SLC9A3: variants seen among roughly 807,000 people sequenced by gnomAD.
SLC9A3 encodes sodium/hydrogen exchanger 3.
In SLC9A3, 37 loss-of-function variants were observed where a neutral mutation model predicts 86.8. The ratio of observed to expected loss-of-function variants is 0.43; its 90% CI spans 0.33 to 0.56. The LOEUF is 0.56. SLC9A3 is among the 20% of genes least tolerant of loss of function. SLC9A3 has a pLI of 0.06. For missense variants in SLC9A3, 1,011 were observed against 1,171.9 expected (o/e 0.86, Z 2.00); for synonymous variants, 581 against 528.3 (o/e 1.10, Z -1.37).
chr5:473,155 C>CCGGCGCAGGCCCCGCCCA lies in SLC9A3; in HGVS notation c.*223_*224insTGGGCGGGGCCTGCGCCG. On this transcript the variant is annotated 3_prime_UTR_variant, in exon 17 of 17. Transcript: ENST00000264938. The stretch of plus-strand genomic sequence containing the variant: ...AGCCCTCGGCGCTCCGGCCCCGCCC[C>CCGGCGCAGGCCCCGCCCA]CGGCGCAGGCCCCGCCCCCGGCTCG... 5.2e-6 allele frequency: 2 copies of CCGGCGCAGGCCCCGCCCA among 385,504 alleles called. No homozygotes were observed. The highest frequency in any genetic ancestry group is 1.1e-4 in the South Asian group (1 of 8,848). The allele number at this position is 385,504 out of a possible 1,614,324, so 23.9% of individuals were successfully genotyped here.
chr5:494,135 C>T (rs1262439047), intron 1 of SLC9A3, among the ~76,000 whole-genome samples: 1 of 152,250 alleles, frequency 6.6e-6, no homozygotes. Flanking sequence ...GCTCTCCCTT[C>T]TCTAGAAGGT....
intron 1 of SLC9A3, among the ~76,000 whole-genome samples, chr5:520,563 G>A (rs183079353): frequency 1.3e-5 from 2 of 152,264 alleles, no homozygotes; most frequent in East Asian, 1.9e-4. Flanking sequence ...TCTCCCCGGT[G>A]CCATTCTCTG....
intron 1 of SLC9A3, among the ~76,000 whole-genome samples, chr5:501,089 C>T (rs1471487175): frequency 3.3e-5 from 5 of 152,292 alleles, no homozygotes; most frequent in South Asian, 2.1e-4. Flanking sequence ...CTGATGGTTA[C>T]GACAGGGGAC....
chr5:490,617 G>A (rs1284379795), intron 2 of SLC9A3, among the ~76,000 whole-genome samples: 6 of 152,190 alleles, frequency 3.9e-5, no homozygotes, highest in African/African-American at 7.2e-5. Context: ...ACAGCTGGGA[G>A]GAAGCTGGGA....
intron 2 of SLC9A3, among the ~76,000 whole-genome samples, chr5:488,882 G>C (rs575728154): frequency 1.3e-5 from 2 of 152,182 alleles, no homozygotes; most frequent in African/African-American, 2.4e-5. Flanking sequence ...CAGCACCCAG[G>C]GGCGCGGCCA....
intron 1 of SLC9A3, among the ~76,000 whole-genome samples, chr5:498,135 G>A (rs1281616722): frequency 2.0e-5 from 3 of 152,156 alleles, no homozygotes; most frequent in South Asian, 2.1e-4. Context: ...CTTGAGCCTC[G>A]GCCGCCACTT....
intron 3 of SLC9A3, among the ~76,000 whole-genome samples, chr5:486,311 C>T (rs1001028339): frequency 1.3e-5 from 2 of 152,166 alleles, no homozygotes; most frequent in African/African-American, 2.4e-5. Flanking sequence ...GCCTCACTGA[C>T]GGTTCCTAGG....
At chr5:510,082 G>C (rs973457614) in intron 1 of SLC9A3, among the ~76,000 whole-genome samples, 5 of 152,224 alleles carry the variant, frequency 3.3e-5, no homozygotes, top group Non-Finnish European at 7.3e-5. Flanking sequence ...GGAGCCGCTG[G>C]AGGCCTGGGG....
intron 1 of SLC9A3, among the ~76,000 whole-genome samples, chr5:517,407 A>G (rs958992209): frequency 2.6e-5 from 4 of 151,166 alleles, no homozygotes; most frequent in Non-Finnish European, 5.9e-5. Flanking sequence ...CCATTCATTC[A>G]TCCATCCATC....
chr5:476,346 C>T lies in SLC9A3; in HGVS notation c.1923G>A (p.Thr641=), dbSNP rs139579128. The T allele has an allele frequency of 4.3e-6, 7 of 1,613,786 alleles. No individual in the cohort carries two copies. The highest frequency in any genetic ancestry group is 2.2e-5 in the East Asian group (1 of 44,896). ...YKHLYSRHEL[T]PTEDEKQDRE... ...GGTCCTGTTTCTCGTCCTCCGTGGG[C>T]GTGAGCTCGTGTCGGCTGTACAGAT... is the stretch of plus-strand genomic sequence containing the variant. The change falls in exon 13 of 17, where the codon ACG becomes ACA. Residue 641 remains threonine (T), a synonymous_variant. Transcript: ENST00000264938.
chr5:473,144 C>CGGCCCCGCCCCCGGCGTA lies in SLC9A3; in HGVS notation c.*234_*235insTACGCCGGGGGCGGGGCC. On this transcript the variant is annotated 3_prime_UTR_variant, in exon 17 of 17. Coordinates refer to ENST00000264938, the MANE Select transcript of SLC9A3 (RefSeq NM_004174.4). ...GCGCACTCGGCAGCCCTCGGCGCTC[C>CGGCCCCGCCCCCGGCGTA]GGCCCCGCCCCCGGCGCAGGCCCCG... 4.1e-6 allele frequency: 1 copy of CGGCCCCGCCCCCGGCGTA among 244,168 alleles called. No individual in the cohort carries two copies. The highest frequency in any genetic ancestry group is 7.4e-6 in the Non-Finnish European group (1 of 134,256). The allele number at this position is 244,168 out of a possible 1,614,324, so 15.1% of individuals were successfully genotyped here.
intron 10 of SLC9A3, chr5:479,474 T>TGGGCACCTGC: frequency 3.9e-6 from 1 of 258,982 alleles, no homozygotes; most frequent in Non-Finnish European, 7.7e-6. Flanking sequence ...TGTGCACCTG[T>TGGGCACCTGC]GGGCACCTGC....
chr5:499,170 C>T (rs1740157368), intron 1 of SLC9A3, among the ~76,000 whole-genome samples: 1 of 152,242 alleles, frequency 6.6e-6, no homozygotes, highest in Non-Finnish European at 1.5e-5. Context: ...GACCCATGGC[C>T]TCCTCTTGAA....
At chr5:484,773 C>A in intron 4 of SLC9A3, 76 bp from the exon 5 acceptor site, 1 of 1,437,092 alleles carries the variant, frequency 7.0e-7, no homozygotes, top group South Asian at 1.2e-5. Context: ...GGTGACCCCG[C>A]GGAAGTGCCG....
In SLC9A3 at chr5:475,672, CTG is replaced by C; in HGVS notation, c.2141-3_2141-2del. ...TCCTCGGTGTCTGAAAGTTCCAAGT[CTG>C]GGGAAGACAGGTTGGGGTGAGGACT... is the stretch of plus-strand genomic sequence containing the variant. On this transcript the variant is annotated splice_acceptor_variant and splice_polypyrimidine_tract_variant and intron_variant, in intron 14 of 16. Transcript: ENST00000264938. LOFTEE classifies it high-confidence loss of function. 2 of 1,528,644 alleles carry C rather than the reference CTG, an allele frequency of 1.3e-6. No individual in the cohort carries two copies. The highest frequency in any genetic ancestry group is 1.7e-4 in the Middle Eastern group (1 of 5,938). 94.7% of individuals were successfully genotyped at this position (1,528,644 alleles called of 1,614,324 possible).
chr5:488,250 G>T (rs1050934286), intron 3 of SLC9A3, 66 bp downstream of exon 3: 9 of 1,559,888 alleles, frequency 5.8e-6, no homozygotes, highest in Non-Finnish European at 6.2e-6. Context: ...CTGACCGATG[G>T]GGGGTGAGAC....
At chr5:517,761 A>G (rs954231257) in intron 1 of SLC9A3, among the ~76,000 whole-genome samples, 4 of 147,870 alleles carry the variant, frequency 2.7e-5, no homozygotes, top group Non-Finnish European at 6.0e-5. Context: ...CCATCCATCC[A>G]TCCACCCATC....
At chr5:499,058 C>T (rs1416549486) in intron 1 of SLC9A3, among the ~76,000 whole-genome samples, 2 of 152,176 alleles carry the variant, frequency 1.3e-5, no homozygotes, top group African/African-American at 4.8e-5. Context: ...GGAAGGGTCT[C>T]GTTCTCATCT....
At chr5:514,080 G>A (rs923254151) in intron 1 of SLC9A3, among the ~76,000 whole-genome samples, 2 of 152,262 alleles carry the variant, frequency 1.3e-5, no homozygotes, top group African/African-American at 2.4e-5. Context: ...CCCCAGCCCC[G>A]GCTCGGGAGG....
Sources: gnomAD v4.1 joint callset for allele counts (sites outside exome capture counted in the v4.1 genomes callset) on GRCh38, gnomAD v4.1.1 for gene constraint, MANE v1.5 for transcripts, NCBI Gene and HGNC (gene_info 2026-07-23, HGNC 2026-07-21) for gene names.